MYLK4: variants seen among roughly 807,000 people sequenced by gnomAD.
The protein encoded by MYLK4 is caMLCK like.
In MYLK4, 46 loss-of-function variants were observed where a neutral mutation model predicts 48.1. The observed-to-expected ratio is 0.96, with a 90% CI of 0.75 to 1.22. The LOEUF (loss-of-function observed/expected upper bound fraction) is 1.22, where lower values mean the gene tolerates loss of function less well. Among genes scored for constraint, MYLK4 ranks in the 50% most tolerant of loss-of-function variants. MYLK4 has a pLI of 0.00. For missense variants in MYLK4, 451 were observed against 486.1 expected, an observed-to-expected ratio of 0.93 and a Z score of 0.68; for synonymous variants, 170 against 180.8, an observed-to-expected ratio of 0.94 and a Z score of 0.48.
chr6:2,770,333 C>G, the MYLK4 span: 1 of 1,614,202 alleles, frequency 6.2e-7, no homozygotes, highest in Admixed American at 1.7e-5. Context: ...CACTGACCCT[C>G]TGAGCCACAG....
chr6:2,691,502 G>A (rs1170718292), intron 3 of MYLK4, among the ~76,000 whole-genome samples: 2 of 152,302 alleles, frequency 1.3e-5, no homozygotes, highest in South Asian at 4.1e-4. Flanking sequence ...AGTTGAGAAA[G>A]AAAGTCATTC....
upstream of MYLK4, among the ~76,000 whole-genome samples, chr6:2,751,738 A>T (rs1044974574): frequency 6.7e-6 from 1 of 149,348 alleles, no homozygotes; most frequent in Non-Finnish European, 1.5e-5. Flanking sequence ...TGCTTCTTTT[A>T]AAAAAAAAAC....
intron 2 of MYLK4, among the ~76,000 whole-genome samples, chr6:2,708,976 T>C (rs922501053): frequency 2.0e-5 from 3 of 152,274 alleles, no homozygotes; most frequent in Non-Finnish European, 2.9e-5. Flanking sequence ...AATAACAGAA[T>C]GATCATGGTT....
chr6:2,679,138 C>A, intron 9 of MYLK4, 142 bp downstream of exon 9: 2 of 1,003,524 alleles, frequency 2.0e-6, no homozygotes, highest in South Asian at 1.4e-5. Flanking sequence ...CAGGAGTCAA[C>A]AAAACCTAGA....
In MYLK4 at chr6:2,688,894, C is replaced by A. The variant is rs1226621626; in HGVS notation, c.298G>T (p.Val100Phe). The change falls in exon 4 of 13, where the codon GTC becomes TTC. Residue 100 changes from valine (V) to phenylalanine (F), a missense_variant. Coordinates refer to ENST00000274643, the MANE Select transcript of MYLK4 (RefSeq NM_001012418.5). Reference sequence around the variant, plus strand: ...TTGCTCACAGTATAGAAGCTGTTGACCGCTCCTTGCTTGGCTGTCACAATA... The same window carrying A: ...TTGCTCACAGTATAGAAGCTGTTGAACGCTCCTTGCTTGGCTGTCACAATA... ...HRIVTAKQGA[V>F]NSFYTVSKTE... The A allele has an allele frequency of 5.0e-6, 8 of 1,614,092 alleles. No homozygotes were observed. The African/African-American group carries it at 6.7e-5, about 13-fold the overall frequency.
chr6:2,765,211 G>T, the MYLK4 span, among the ~76,000 whole-genome samples: 1 of 23,578 alleles, frequency 4.2e-5, no homozygotes, highest in Non-Finnish European at 9.2e-5. Context: ...CCCCGCCCCC[G>T]CAAAGGCTGT....
At chr6:2,710,911 G>A (rs769791860) in intron 2 of MYLK4, among the ~76,000 whole-genome samples, 20 of 152,358 alleles carry the variant, frequency 1.3e-4, no homozygotes, top group Non-Finnish European at 2.4e-4. Flanking sequence ...AGCAATGTCC[G>A]AGGTAATAAA....
chr6:2,766,118 G>T, the MYLK4 span: 1 of 1,325,814 alleles, frequency 7.5e-7, no homozygotes, highest in East Asian at 3.1e-5. Context: ...GCAGGAGGAG[G>T]AGGAGGCCGT....
chr6:2,730,762 T>C (rs763548667), intron 2 of MYLK4, among the ~76,000 whole-genome samples: 4 of 152,210 alleles, frequency 2.6e-5, no homozygotes, highest in Non-Finnish European at 5.9e-5. Flanking sequence ...AGTGAAAAAT[T>C]ATCCATTAGC....
At chr6:2,720,347 T>C (rs1369955169) in intron 2 of MYLK4, among the ~76,000 whole-genome samples, 1 of 151,666 alleles carries the variant, frequency 6.6e-6, no homozygotes, top group Non-Finnish European at 1.5e-5. Flanking sequence ...GAGGTTGCAG[T>C]GAGCCGAGAT....
chr6:2,728,114 G>C (rs1450001056), intron 2 of MYLK4, among the ~76,000 whole-genome samples: 1 of 152,188 alleles, frequency 6.6e-6, no homozygotes, highest in Non-Finnish European at 1.5e-5. Context: ...CAAGGTCACT[G>C]AGGCAGTAGG....
At chr6:2,688,532 G>A (rs762930762) in intron 4 of MYLK4, among the ~76,000 whole-genome samples, 5 of 152,212 alleles carry the variant, frequency 3.3e-5, no homozygotes, top group Non-Finnish European at 4.4e-5. Context: ...ACTACACGCT[G>A]TTGACTCATT....
At chr6:2,680,198 C>T in intron 8 of MYLK4, 23 bp downstream of exon 8, 2 of 1,613,108 alleles carry the variant, frequency 1.2e-6, no homozygotes, top group Non-Finnish European at 1.7e-6. Context: ...TCCATTCGTA[C>T]ACCTATGTCC....
intron 9 of MYLK4, 35 bp from the exon 10 acceptor site, chr6:2,678,407 A>C: frequency 6.2e-7 from 1 of 1,608,830 alleles, no homozygotes; most frequent in Non-Finnish European, 8.5e-7. Context: ...AGTATTTTTT[A>C]AACAGCCTCA....
the MYLK4 span, among the ~76,000 whole-genome samples, chr6:2,763,404 A>T: frequency 6.6e-6 from 1 of 152,174 alleles, no homozygotes; most frequent in African/African-American, 2.4e-5. Context: ...CTTCTCAGGG[A>T]GGCTTGGGCC....
intron 2 of MYLK4, among the ~76,000 whole-genome samples, chr6:2,712,084 C>A (rs1023741952): frequency 2.0e-5 from 3 of 152,102 alleles, no homozygotes; most frequent in African/African-American, 7.2e-5. Flanking sequence ...GTTAACTGGT[C>A]TATTCAAAAA....
At chr6:2,763,541 G>C in the MYLK4 span, among the ~76,000 whole-genome samples, 1 of 152,354 alleles carries the variant, frequency 6.6e-6, no homozygotes, top group East Asian at 1.9e-4. Context: ...TCCTGGGCCG[G>C]TGGTGCAGGC....
chr6:2,737,804 G>T (rs1406538037), intron 2 of MYLK4, among the ~76,000 whole-genome samples: 1 of 151,930 alleles, frequency 6.6e-6, no homozygotes, highest in Non-Finnish European at 1.5e-5. Context: ...AAAGATATTG[G>T]GTCACAGACA....
At chr6:2,688,644 G>T (rs1056279867) in intron 4 of MYLK4, among the ~76,000 whole-genome samples, 1 of 112,250 alleles carries the variant, frequency 8.9e-6, no homozygotes, top group African/African-American at 3.4e-5. Flanking sequence ...ATTACAACAT[G>T]GGAAGTAAAG....
Sources: allele counts gnomAD v4.1 joint callset (sites outside exome capture counted in the v4.1 genomes callset), GRCh38; gene constraint gnomAD v4.1.1; transcripts MANE v1.5; gene names NCBI Gene and HGNC (gene_info 2026-07-23, HGNC 2026-07-21).